Variants in ALMS1 observed in about 807,000 individuals in gnomAD.
ALMS1 encodes the protein ALMS1 centrosome and basal body associated protein, also known as centrosome-associated protein ALMS1.
A neutral mutation model predicts 352.2 loss-of-function variants in ALMS1; 271 were observed. The ratio of observed to expected loss-of-function variants is 0.77; its 90% confidence interval spans 0.70 to 0.85. ALMS1 has a LOEUF of 0.85. ALMS1 is among the 40% of genes least tolerant of loss of function. The pLI, the probability that ALMS1 is intolerant of heterozygous loss-of-function variation, is 0.00. For synonymous variants in ALMS1, 1,865 were observed against 1,761.2 expected (o/e 1.06, Z -1.48); for missense variants, 5,445 against 4,870.7 (o/e 1.12, Z -3.51).
chr2:73,488,978 T>G (rs1169291181), intron 9 of ALMS1, among the ~76,000 whole-genome samples: 2 of 152,164 alleles, frequency 1.3e-5, no homozygotes. Flanking sequence ...AAGATAGAAT[T>G]TTATTTTTTC....
intron 16 of ALMS1, among the ~76,000 whole-genome samples, chr2:73,591,176 C>G (rs1298551702): frequency 6.6e-6 from 1 of 151,966 alleles, no homozygotes; most frequent in Non-Finnish European, 1.5e-5. Context: ...TTATGTATTT[C>G]TTTATTTCTG....
At chr2:73,428,460 C>T (rs1417570110) in intron 6 of ALMS1, among the ~76,000 whole-genome samples, 1 of 151,940 alleles carries the variant, frequency 6.6e-6, no homozygotes. Flanking sequence ...AAGGAGATTG[C>T]CTAAAGTTGA....
At chr2:73,460,749 G>A (rs1375877973) in intron 9 of ALMS1, among the ~76,000 whole-genome samples, 3 of 152,222 alleles carry the variant, frequency 2.0e-5, no homozygotes, top group East Asian at 1.9e-4. Flanking sequence ...CTAATACTGC[G>A]CTTTTCCGAC....
chr2:73,577,475 T>C (rs1675078546), intron 16 of ALMS1, among the ~76,000 whole-genome samples: 2 of 152,116 alleles, frequency 1.3e-5, no homozygotes, highest in Admixed American at 1.3e-4. Context: ...GTATGTTTTT[T>C]TTTCTTCTCA....
At chr2:73,558,350 G>C (rs1415789890) in intron 14 of ALMS1, among the ~76,000 whole-genome samples, 1 of 152,116 alleles carries the variant, frequency 6.6e-6, no homozygotes, top group Non-Finnish European at 1.5e-5. Flanking sequence ...TGTATTCTGG[G>C]CAACACTTCT....
chr2:73,462,395 C>T (rs1182859973), intron 9 of ALMS1, among the ~76,000 whole-genome samples: 1 of 152,142 alleles, frequency 6.6e-6, no homozygotes, highest in East Asian at 1.9e-4. Context: ...CCTTTACAGA[C>T]AAGCAAATGC....
chr2:73,606,341 G>C (rs958647129), intron 21 of ALMS1, among the ~76,000 whole-genome samples: 9 of 152,168 alleles, frequency 5.9e-5, no homozygotes, highest in Non-Finnish European at 1.2e-4. Context: ...AAATATTTTT[G>C]AACCACTGCT....
intron 1 of ALMS1, among the ~76,000 whole-genome samples, chr2:73,406,993 C>A (rs188524375): frequency 3.9e-5 from 6 of 152,306 alleles, no homozygotes; most frequent in Admixed American, 2.6e-4. Context: ...TATTGTTTAA[C>A]CATTAACATA....
At chr2:73,535,274 G>T (rs1428323684) in intron 12 of ALMS1, among the ~76,000 whole-genome samples, 1 of 151,982 alleles carries the variant, frequency 6.6e-6, no homozygotes, top group Admixed American at 6.6e-5. Flanking sequence ...TATATAATAA[G>T]CAATTATTTT....
intron 8 of ALMS1, 115 bp downstream of exon 8, chr2:73,454,182 A>C: frequency 6.7e-7 from 1 of 1,490,898 alleles, no homozygotes; most frequent in Non-Finnish European, 8.9e-7. Context: ...ATCAAGAAAA[A>C]AAATGAAGTT....
At chr2:73,487,084 A>G (rs1225508221) in intron 9 of ALMS1, among the ~76,000 whole-genome samples, 3 of 152,202 alleles carry the variant, frequency 2.0e-5, no homozygotes, top group African/African-American at 7.2e-5. Flanking sequence ...AAAATGTCAC[A>G]GGATCCTCAG....
intron 9 of ALMS1, among the ~76,000 whole-genome samples, chr2:73,488,664 CTCCAGATGGGATGCCGCTGCCAT>C (rs1672908157): frequency 6.6e-6 from 1 of 152,228 alleles, no homozygotes; most frequent in Non-Finnish European, 1.5e-5. Flanking sequence ...GCAGCAGCCA[CTCCAGATGGGATGCCGCTGCCAT>C]CAAAAATATA....
chr2:73,481,391 A>G (rs927196827), intron 9 of ALMS1, among the ~76,000 whole-genome samples: 2 of 152,126 alleles, frequency 1.3e-5, no homozygotes, highest in African/African-American at 4.8e-5. Flanking sequence ...AGTTGTAGAT[A>G]TGCTGCATTA....
At chr2:73,517,808 C>G (rs1381359354) in intron 10 of ALMS1, among the ~76,000 whole-genome samples, 1 of 152,018 alleles carries the variant, frequency 6.6e-6, no homozygotes, top group Non-Finnish European at 1.5e-5. Flanking sequence ...CAGGCATGCA[C>G]CACCACGCCT....
chr2:73,430,682 T>G (rs1342076476), intron 6 of ALMS1, among the ~76,000 whole-genome samples: 1 of 152,188 alleles, frequency 6.6e-6, no homozygotes, highest in Non-Finnish European at 1.5e-5. Context: ...TACAGTTGCC[T>G]ACAATATTTA....
At chr2:73,548,455 T>G (rs1489195328) in intron 12 of ALMS1, among the ~76,000 whole-genome samples, 2 of 152,208 alleles carry the variant, frequency 1.3e-5, no homozygotes, top group Admixed American at 6.5e-5. Flanking sequence ...ATTCTCTTGC[T>G]TATTCACCCA....
intron 12 of ALMS1, among the ~76,000 whole-genome samples, chr2:73,539,675 C>T (rs1216300579): frequency 6.6e-6 from 1 of 152,068 alleles, no homozygotes; most frequent in Non-Finnish European, 1.5e-5. Flanking sequence ...CAGAGAAGTC[C>T]TTAAAGGACC....
At chr2:73,423,029 T>A in intron 4 of ALMS1, 55 bp downstream of exon 4, 2 of 1,468,256 alleles carry the variant, frequency 1.4e-6, no homozygotes, top group South Asian at 1.1e-5. Context: ...ATGTTTTTAC[T>A]AATATTAGTG....
chr2:73,408,808 T>C, intron 2 of ALMS1, 61 bp downstream of exon 2: 1 of 1,546,190 alleles, frequency 6.5e-7, no homozygotes, highest in East Asian at 2.3e-5. Context: ...AAATTCTGAT[T>C]TAGCTATGAA....
Sources: gnomAD v4.1 joint callset for allele counts (sites outside exome capture counted in the v4.1 genomes callset) on GRCh38, gnomAD v4.1.1 for gene constraint, MANE v1.5 for transcripts, NCBI Gene and HGNC (gene_info 2026-07-23, HGNC 2026-07-21) for gene names.